ANKS1B: variants seen among roughly 807,000 people sequenced by gnomAD.
ANKS1B encodes the protein ankyrin repeat and sterile alpha motif domain-containing protein 1B.
Under a neutral mutation model 148.3 loss-of-function variants are expected in ANKS1B, and 36 were observed. That is an observed-to-expected ratio of 0.24 (90% CI 0.19 to 0.32). The LOEUF is 0.32. ANKS1B is among the 10% of genes least tolerant of loss of function. ANKS1B has a pLI of 1.00. For missense variants in ANKS1B, 1,157 were observed against 1,542.6 expected (o/e 0.75, Z 4.19); for synonymous variants, 542 against 560.8 (o/e 0.97, Z 0.47).
At chr12:99,616,437 C>A (rs1445821727) in intron 9 of ANKS1B, among the ~76,000 whole-genome samples, 7 of 151,950 alleles carry the variant, frequency 4.6e-5, no homozygotes, top group African/African-American at 1.5e-4. Context: ...TCGTACCAAA[C>A]CAGATATACA....
intron 9 of ANKS1B, among the ~76,000 whole-genome samples, chr12:99,530,685 T>C (rs2096979524): frequency 6.6e-6 from 1 of 152,164 alleles, no homozygotes; most frequent in South Asian, 2.1e-4. Context: ...TTATTTAATC[T>C]ACAGACAGAG....
At chr12:99,847,103 T>C (rs1272226852) in intron 1 of ANKS1B, among the ~76,000 whole-genome samples, 1 of 151,904 alleles carries the variant, frequency 6.6e-6, no homozygotes, top group African/African-American at 2.4e-5. Context: ...TCTCTCTTTT[T>C]TCTTTCTTTT....
At chr12:99,258,481 T>C (rs2075551310) in intron 12 of ANKS1B, among the ~76,000 whole-genome samples, 2 of 152,096 alleles carry the variant, frequency 1.3e-5, no homozygotes, top group South Asian at 4.1e-4. Flanking sequence ...ACATAAATCC[T>C]GGATCAACTT....
Position 98,745,690 on chromosome 12 carries a change from G to A in ANKS1B, c.*49C>T, listed in dbSNP as rs778072549. Reference sequence around the variant, plus strand: ...GGAGGCGCGAAGGAAAGCCTGCTCCGGGACCGCTTGGCGAGCAAGGCACCG... The same window carrying A: ...GGAGGCGCGAAGGAAAGCCTGCTCCAGGACCGCTTGGCGAGCAAGGCACCG... On this transcript the variant is annotated 3_prime_UTR_variant, in exon 27 of 27. Coordinates refer to ENST00000683438, the MANE Select transcript of ANKS1B (RefSeq NM_001352186.2). 8.1e-6 allele frequency: 13 copies of A among 1,604,426 alleles called. No homozygotes were observed. The Admixed American group carries it at 1.7e-4, about 21-fold the overall frequency.
At chr12:98,787,871 G>A (rs1247764219) in intron 22 of ANKS1B, among the ~76,000 whole-genome samples, 2 of 151,190 alleles carry the variant, frequency 1.3e-5, no homozygotes, top group East Asian at 1.9e-4. Flanking sequence ...AGTGAGCTGA[G>A]TCGGCACCAC....
intron 1 of ANKS1B, among the ~76,000 whole-genome samples, chr12:99,953,978 G>A (rs549079145): frequency 2.0e-5 from 3 of 152,016 alleles, no homozygotes; most frequent in Admixed American, 6.6e-5. Flanking sequence ...TGGGGGAGGC[G>A]GTATTTATTA....
chr12:98,901,702 T>C (rs1943140301), intron 17 of ANKS1B, among the ~76,000 whole-genome samples: 2 of 151,928 alleles, frequency 1.3e-5, no homozygotes, highest in African/African-American at 4.8e-5. Context: ...AGAGTGTCTG[T>C]GGGGACTCAA....
intron 17 of ANKS1B, among the ~76,000 whole-genome samples, chr12:98,843,082 G>C (rs1394383448): frequency 6.6e-6 from 1 of 152,198 alleles, no homozygotes; most frequent in Non-Finnish European, 1.5e-5. Flanking sequence ...AAGAACCAGA[G>C]AATAAGGTTG....
chr12:99,017,381 T>A (rs1394606385), intron 17 of ANKS1B, among the ~76,000 whole-genome samples: 3 of 152,140 alleles, frequency 2.0e-5, no homozygotes, highest in African/African-American at 7.2e-5. Flanking sequence ...AGGCATAGTT[T>A]TTATCAGCCC....
At chr12:99,828,081 C>T (rs1029983818) in intron 1 of ANKS1B, among the ~76,000 whole-genome samples, 1 of 152,074 alleles carries the variant, frequency 6.6e-6, no homozygotes, top group Non-Finnish European at 1.5e-5. Context: ...GTGATATATC[C>T]ATACAATGGA....
At chr12:98,811,420 CCT>C (rs1369661274) in intron 19 of ANKS1B, among the ~76,000 whole-genome samples, 1 of 152,156 alleles carries the variant, frequency 6.6e-6, no homozygotes, top group Non-Finnish European at 1.5e-5. Flanking sequence ...GAACACTCCC[CCT>C]CTCTGCCAGG....
intron 9 of ANKS1B, among the ~76,000 whole-genome samples, chr12:99,583,793 A>C (rs939172326): frequency 6.6e-6 from 1 of 152,236 alleles, no homozygotes; most frequent in African/African-American, 2.4e-5. Flanking sequence ...TAAGCAACAG[A>C]AACAGTGTGG....
intron 8 of ANKS1B, among the ~76,000 whole-genome samples, chr12:99,772,163 T>C (rs899730106): frequency 6.6e-6 from 1 of 152,246 alleles, no homozygotes; most frequent in African/African-American, 2.4e-5. Context: ...TAGTTTTTCT[T>C]GCTTTTGTGT....
At chr12:98,956,388 G>T (rs1455517603) in intron 17 of ANKS1B, 1 of 151,992 alleles carries the variant, frequency 6.6e-6, no homozygotes, top group Non-Finnish European at 1.5e-5. Context: ...CCTTCACATA[G>T]CTCCCAGAGT....
At chr12:99,825,247 A>G in intron 2 of ANKS1B, 62 bp downstream of exon 2, 1 of 1,383,682 alleles carries the variant, frequency 7.2e-7, no homozygotes, top group Non-Finnish European at 1.0e-6. Flanking sequence ...TCGTCAAGAC[A>G]TAATTAACTT....
intron 17 of ANKS1B, among the ~76,000 whole-genome samples, chr12:98,849,587 C>T (rs1377673899): frequency 6.6e-6 from 1 of 152,086 alleles, no homozygotes; most frequent in Non-Finnish European, 1.5e-5. Context: ...CAAACCAAAA[C>T]CCGAGTAATT....
intron 11 of ANKS1B, among the ~76,000 whole-genome samples, chr12:99,419,541 A>C (rs1315397589): frequency 6.6e-6 from 1 of 152,148 alleles, no homozygotes; most frequent in African/African-American, 2.4e-5. Flanking sequence ...ATAATGATTT[A>C]CAGAAGATAT....
At chr12:98,830,421 C>A (rs1055967116) in intron 18 of ANKS1B, among the ~76,000 whole-genome samples, 2 of 152,112 alleles carry the variant, frequency 1.3e-5, no homozygotes, top group African/African-American at 4.8e-5. Flanking sequence ...CCATCCCACT[C>A]CAGTCTCTCT....
At chr12:99,155,328 G>C (rs148414994) in intron 14 of ANKS1B, among the ~76,000 whole-genome samples, 1 of 152,166 alleles carries the variant, frequency 6.6e-6, no homozygotes, top group Non-Finnish European at 1.5e-5. Flanking sequence ...GCCTCTCCGA[G>C]ATATATATTT....
Sources: gnomAD v4.1 joint callset for allele counts (sites outside exome capture counted in the v4.1 genomes callset) on GRCh38, gnomAD v4.1.1 for gene constraint, MANE v1.5 for transcripts, NCBI Gene and HGNC (gene_info 2026-07-23, HGNC 2026-07-21) for gene names.